SGCD: variants seen among roughly 807,000 people sequenced by gnomAD.
SGCD encodes the protein delta-sarcoglycan.
In SGCD, 18 loss-of-function variants were observed where a neutral mutation model predicts 36.6. The observed-to-expected ratio is 0.49, with a 90% confidence interval of 0.34 to 0.73. The LOEUF (loss-of-function observed/expected upper bound fraction) is 0.73. SGCD is among the 30% of genes least tolerant of loss of function. The pLI is 0.01. For synonymous variants in SGCD, 133 were observed against 130.6 expected (o/e 1.02, Z -0.12); for missense variants, 387 against 346.7 (o/e 1.12, Z -0.92).
chr5:156,297,030 AAT>A lies in SGCD; in HGVS notation c.-43-32489_-43-32488del, dbSNP rs368559018. On this transcript the variant is annotated intron_variant, in intron 3 of 9. Transcript: ENST00000517913. ...TAATTTTATGTGTGTATAGCATATAAATATATATATATATATGGGATATATTA... is the reference window on the plus strand; with the variant it reads ...TAATTTTATGTGTGTATAGCATATAAATATATATATATATGGGATATATTA... Among the ~76,000 whole-genome samples the A allele has an allele frequency of 4.2e-3, 586 of 140,188 alleles. 3 individuals carry two copies. Among genetic ancestry groups the A allele is most frequent in the African/African-American group, 0.014 (461 of 33,794 alleles). The allele number at this position is 140,188 out of a possible 152,430, so 92.0% of individuals were successfully genotyped here.
At chr5:156,548,170 T>C (rs1280183528) in intron 4 of SGCD, among the ~76,000 whole-genome samples, 1 of 152,162 alleles carries the variant, frequency 6.6e-6, no homozygotes, top group Non-Finnish European at 1.5e-5. Flanking sequence ...TCTTTTTAGG[T>C]GTTAATGGCC....
At chr5:156,621,860 C>T (rs987462020) in intron 6 of SGCD, among the ~76,000 whole-genome samples, 3 of 152,164 alleles carry the variant, frequency 2.0e-5, no homozygotes, top group African/African-American at 7.2e-5. Flanking sequence ...GTGTTGTTCT[C>T]ATCTCTTTGT....
chr5:156,267,756 G>T (rs1766039785), intron 3 of SGCD, among the ~76,000 whole-genome samples: 1 of 151,224 alleles, frequency 6.6e-6, no homozygotes, highest in Admixed American at 6.6e-5. Flanking sequence ...AAAGCCAAAT[G>T]GCATATGATA....
At chr5:156,510,273 T>C (rs901063164) in intron 4 of SGCD, among the ~76,000 whole-genome samples, 3 of 152,216 alleles carry the variant, frequency 2.0e-5, no homozygotes, top group African/African-American at 7.2e-5. Context: ...ACATATTTAC[T>C]GTCATTGAGA....
chr5:156,027,297 G>A (rs556340307), intron 1 of SGCD, among the ~76,000 whole-genome samples: 16 of 152,258 alleles, frequency 1.1e-4, no homozygotes, highest in African/African-American at 3.6e-4. Context: ...TTTCTAGAAA[G>A]GGAGATACGT....
intron 3 of SGCD, among the ~76,000 whole-genome samples, chr5:156,147,028 T>G (rs1460220959): frequency 6.6e-6 from 1 of 152,202 alleles, no homozygotes; most frequent in Non-Finnish European, 1.5e-5. Context: ...CGGCAAAGGT[T>G]TTATTCAGCT....
chr5:156,542,462 C>T (rs1758387115), intron 4 of SGCD, among the ~76,000 whole-genome samples: 1 of 152,156 alleles, frequency 6.6e-6, no homozygotes, highest in African/African-American at 2.4e-5. Context: ...GATTTATCTA[C>T]ATTGTATGAG....
chr5:156,629,678 T>G (rs1762557262), intron 6 of SGCD, among the ~76,000 whole-genome samples: 1 of 152,134 alleles, frequency 6.6e-6, no homozygotes, highest in Non-Finnish European at 1.5e-5. Flanking sequence ...AGGGTCTCTG[T>G]TGCAGCTACT....
intron 1 of SGCD, among the ~76,000 whole-genome samples, chr5:156,074,060 T>C (rs1221920760): frequency 6.6e-6 from 1 of 152,118 alleles, no homozygotes; most frequent in Non-Finnish European, 1.5e-5. Context: ...GGAAGAGAAA[T>C]GGAGGGATAA....
intron 3 of SGCD, among the ~76,000 whole-genome samples, chr5:156,349,626 A>G (rs1339385694): frequency 6.6e-6 from 1 of 152,134 alleles, no homozygotes; most frequent in African/African-American, 2.4e-5. Flanking sequence ...AAGAAGGAAT[A>G]TTTATATACT....
chr5:156,531,837 G>A (rs1200343865), intron 4 of SGCD, among the ~76,000 whole-genome samples: 2 of 152,134 alleles, frequency 1.3e-5, no homozygotes, highest in Non-Finnish European at 1.5e-5. Flanking sequence ...GGCTAGGCAC[G>A]GTGGCTCATG....
chr5:155,758,536 G>C, the SGCD span, among the ~76,000 whole-genome samples: 1 of 152,214 alleles, frequency 6.6e-6, no homozygotes, highest in Admixed American at 6.5e-5. Context: ...TAGCAACTGG[G>C]CTGCACAGCA....
chr5:155,869,794 A>T (rs1300688415), upstream of SGCD, among the ~76,000 whole-genome samples: 1 of 152,042 alleles, frequency 6.6e-6, no homozygotes, highest in African/African-American at 2.4e-5. Flanking sequence ...AGGTCAAGAG[A>T]TCGAGACCAG....
chr5:156,531,710 A>G (rs1029190566), intron 4 of SGCD, among the ~76,000 whole-genome samples: 5 of 152,150 alleles, frequency 3.3e-5, no homozygotes, highest in Non-Finnish European at 5.9e-5. Flanking sequence ...CCCACAAAAT[A>G]TAGTAGCCAT....
At chr5:155,750,707 A>T in the SGCD span, among the ~76,000 whole-genome samples, 1 of 152,206 alleles carries the variant, frequency 6.6e-6, no homozygotes, top group Non-Finnish European at 1.5e-5. Context: ...GCAGTTAGGG[A>T]TCTTTCTTTG....
intron 1 of SGCD, among the ~76,000 whole-genome samples, chr5:156,055,027 G>A (rs2127582217): frequency 6.8e-6 from 1 of 146,326 alleles, no homozygotes; most frequent in Admixed American, 6.8e-5. Context: ...TGTTGTGTGT[G>A]ACAGGGAGCC....
intron 3 of SGCD, among the ~76,000 whole-genome samples, chr5:156,368,210 C>T (rs1367791595): frequency 6.6e-6 from 1 of 151,970 alleles, no homozygotes; most frequent in Non-Finnish European, 1.5e-5. Context: ...TCTGCTTTAG[C>T]CTCCTGAGTA....
chr5:155,843,875 G>A, the SGCD span, among the ~76,000 whole-genome samples: 1 of 151,794 alleles, frequency 6.6e-6, no homozygotes, highest in Non-Finnish European at 1.5e-5. Flanking sequence ...CCCTTGACTT[G>A]GTTTCACTGG....
At chr5:155,779,882 G>A in the SGCD span, among the ~76,000 whole-genome samples, 3 of 151,992 alleles carry the variant, frequency 2.0e-5, no homozygotes, top group Non-Finnish European at 2.9e-5. Context: ...TTTTAAATTT[G>A]TATTTTTTTA....
Sources: allele counts gnomAD v4.1 joint callset (sites outside exome capture counted in the v4.1 genomes callset), GRCh38; gene constraint gnomAD v4.1.1; transcripts MANE v1.5; gene names NCBI Gene and HGNC (gene_info 2026-07-23, HGNC 2026-07-21).